The following CCNY variants were observed in gnomAD, a reference collection of about 807,000 sequenced individuals.
CCNY encodes cyclin Y.
Under a neutral mutation model 42.8 loss-of-function variants are expected in CCNY, and 19 were observed. That is an observed-to-expected ratio of 0.44 (90% CI 0.31 to 0.65). CCNY has a LOEUF of 0.65. CCNY is among the 30% of genes least tolerant of loss of function. The probability of loss-of-function intolerance (pLI) is 0.07; values close to 1 mark genes in which losing one functional copy is unlikely to be tolerated. For synonymous variants in CCNY, 165 were observed against 162.7 expected (o/e 1.01, Z -0.11); for missense variants, 370 against 437.3 (o/e 0.85, Z 1.37).
In CCNY at chr10:35,416,210, C is replaced by G. The variant is rs966954446; in HGVS notation, c.155-67194C>G. 3.5e-5 allele frequency among the ~76,000 whole-genome samples: 5 copies of G among 143,864 alleles called. No individual in the cohort carries two copies. In the East Asian group the frequency reaches 1.0e-3, roughly 29 times the overall value. 94.4% of individuals were successfully genotyped at this position (143,864 alleles called of 152,430 possible). On this transcript the variant is annotated intron_variant, in intron 1 of 9. Coordinates refer to ENST00000374704, the MANE Select transcript of CCNY (RefSeq NM_145012.6). ...GTGTGTGTGTCCTTGTAGGGTGCTACTTCTCTCCTTGCCTACCTACCGTGT... is the reference window on the plus strand; with the variant it reads ...GTGTGTGTGTCCTTGTAGGGTGCTAGTTCTCTCCTTGCCTACCTACCGTGT...
intron 4 of CCNY, among the ~76,000 whole-genome samples, chr10:35,525,407 G>C (rs1220141580): frequency 6.6e-6 from 1 of 152,094 alleles, no homozygotes; most frequent in African/African-American, 2.4e-5. Context: ...ATTAAATTCA[G>C]ACCTTTTAAA....
intron 3 of CCNY, among the ~76,000 whole-genome samples, chr10:35,317,056 A>G (rs552564391): frequency 1.3e-4 from 20 of 152,354 alleles, no homozygotes; most frequent in Non-Finnish European, 2.6e-4. Flanking sequence ...CATGTTGGCC[A>G]GGCTGGTCTC....
chr10:35,403,098 A>G (rs1226807858), intron 1 of CCNY, among the ~76,000 whole-genome samples: 1 of 96,972 alleles, frequency 1.0e-5, no homozygotes, highest in Non-Finnish European at 1.9e-5. Flanking sequence ...GCGGGGGAAA[A>G]TCCCTGAGCT....
At chr10:35,541,029 C>T (rs1028820016) in intron 7 of CCNY, among the ~76,000 whole-genome samples, 4 of 152,010 alleles carry the variant, frequency 2.6e-5, no homozygotes, top group Admixed American at 6.5e-5. Flanking sequence ...ACTTTAATGT[C>T]GATTACTTCC....
chr10:35,381,565 C>CAA (rs57561593), intron 1 of CCNY, among the ~76,000 whole-genome samples: 2,750 of 69,614 alleles, frequency 0.04, 41 homozygotes, highest in Admixed American at 0.057. Flanking sequence ...GACTCCGTCT[C>CAA]AAAAAAAAAA....
rs1841565812 is a variant in CCNY, at chr10:35,566,149, G to A, written c.873G>A (p.Leu291=). The change falls in exon 9 of 10, where the codon TTG becomes TTA. Residue 291 remains leucine, a synonymous_variant. Coordinates refer to ENST00000374704, the MANE Select transcript of CCNY (RefSeq NM_145012.6). ...AAGCGAACAACCTGAGCTTTCCCTT[G>A]GAGCCCCTGAGCAGGGAGAGGGCTC... The part of the protein sequence containing the change: ...LAEANNLSFP[L]EPLSRERAHK... 1 of 1,614,168 alleles carries A rather than the reference G, an allele frequency of 6.2e-7. No homozygotes were observed. The highest frequency in any genetic ancestry group is 2.2e-5 in the East Asian group (1 of 44,882).
intron 1 of CCNY, among the ~76,000 whole-genome samples, chr10:35,351,508 T>C (rs1362377045): frequency 6.6e-6 from 1 of 152,212 alleles, no homozygotes; most frequent in Admixed American, 6.5e-5. Flanking sequence ...TTAAATACGT[T>C]CTTTAGTTCT....
intron 3 of CCNY, among the ~76,000 whole-genome samples, chr10:35,298,288 G>T (rs543307823): frequency 1.3e-5 from 2 of 152,206 alleles, no homozygotes; most frequent in Non-Finnish European, 2.9e-5. Flanking sequence ...ATCCCCCAAA[G>T]TTCCTTCATA....
intron 3 of CCNY, chr10:35,501,798 C>T (rs908560253): frequency 1.0e-5 from 4 of 384,966 alleles, no homozygotes; most frequent in African/African-American, 2.0e-5. Context: ...AAACATCACC[C>T]AGCAAGTCCA....
intron 1 of CCNY, among the ~76,000 whole-genome samples, chr10:35,409,046 T>A (rs1257279455): frequency 1.3e-5 from 2 of 152,142 alleles, no homozygotes; most frequent in Non-Finnish European, 2.9e-5. Context: ...ATTTACCCTA[T>A]GTAATAGCTT....
chr10:35,345,659 G>A (rs892744987), intron 1 of CCNY, among the ~76,000 whole-genome samples: 3 of 152,118 alleles, frequency 2.0e-5, no homozygotes, highest in Admixed American at 6.5e-5. Context: ...TGTTTGGACT[G>A]TCCATAGTTG....
At chr10:35,534,804 A>G (rs1157168416) in intron 7 of CCNY, among the ~76,000 whole-genome samples, 1 of 152,048 alleles carries the variant, frequency 6.6e-6, no homozygotes. Context: ...TCATTTGCCT[A>G]TTCTGAACAT....
intron 7 of CCNY, among the ~76,000 whole-genome samples, chr10:35,549,445 T>C (rs1026960099): frequency 3.3e-5 from 5 of 151,108 alleles, no homozygotes; most frequent in African/African-American, 4.9e-5. Flanking sequence ...CCTGCGCTGC[T>C]CATGACACAT....
rs918063748 is a variant in CCNY at position 35,251,329 on chromosome 10, C to G, written c.-9+703C>G. Among the ~76,000 whole-genome samples, 6 of 152,038 alleles carry G rather than the reference C, an allele frequency of 3.9e-5. 1 individual carries two copies. The South Asian group carries it at 1.2e-3, about 32-fold the overall frequency. ...GTGTTATTGGTGTCTGAATCCAATA[C>G]AAAATGTACAAATGAAATACAAACA... On this transcript the variant is annotated intron_variant, in intron 3 of 11. Coordinates refer to the CCNY transcript ENST00000374706.
At chr10:35,282,793 ATGT>A (rs1835313084) in intron 3 of CCNY, among the ~76,000 whole-genome samples, 1 of 151,908 alleles carries the variant, frequency 6.6e-6, no homozygotes, top group Admixed American at 6.6e-5. Flanking sequence ...TGGTCAGTGC[ATGT>A]TGTTCTGTAC....
At chr10:35,472,644 T>C (rs1303545980) in intron 1 of CCNY, among the ~76,000 whole-genome samples, 1 of 152,220 alleles carries the variant, frequency 6.6e-6, no homozygotes, top group Non-Finnish European at 1.5e-5. Context: ...CAGAATGGAC[T>C]GGCCCTGACA....
intron 3 of CCNY, among the ~76,000 whole-genome samples, chr10:35,252,192 A>G (rs1258873762): frequency 1.3e-5 from 2 of 152,164 alleles, no homozygotes; most frequent in African/African-American, 4.8e-5. Context: ...TTAACACATT[A>G]CTACACTGCA....
intron 1 of CCNY, among the ~76,000 whole-genome samples, chr10:35,369,839 C>A (rs554788797): frequency 6.6e-6 from 1 of 152,192 alleles, no homozygotes; most frequent in African/African-American, 2.4e-5. Context: ...GACCAAATAC[C>A]TTAATAAAGT....
intron 4 of CCNY, among the ~76,000 whole-genome samples, chr10:35,520,205 T>C (rs1840520427): frequency 6.6e-6 from 1 of 152,112 alleles, no homozygotes; most frequent in Admixed American, 6.5e-5. Flanking sequence ...TTAGAGACAT[T>C]AGCAGGTCCA....
Sources: allele counts gnomAD v4.1 joint callset (sites outside exome capture counted in the v4.1 genomes callset), GRCh38; gene constraint gnomAD v4.1.1; transcripts MANE v1.5; gene names NCBI Gene and HGNC (gene_info 2026-07-23, HGNC 2026-07-21).